The following MTUS2 variants were observed in gnomAD, a reference collection of about 807,000 sequenced individuals.
MTUS2 encodes microtubule-associated tumor suppressor candidate 2.
A neutral mutation model predicts 114.1 loss-of-function variants in MTUS2; 40 were observed. The ratio of observed to expected loss-of-function variants is 0.35; its 90% CI spans 0.27 to 0.46. MTUS2 has a LOEUF of 0.46. Among genes scored for constraint, MTUS2 ranks in the 20% least tolerant of loss-of-function variants. The pLI, the probability that MTUS2 is intolerant of heterozygous loss-of-function variation, is 1.00. For synonymous variants in MTUS2, 688 were observed against 672.0 expected, an observed-to-expected ratio of 1.02 and a Z score of -0.37; for missense variants, 1,679 against 1,705.4, an observed-to-expected ratio of 0.98 and a Z score of 0.27.
chr13:29,285,815 C>T (rs559257780), intron 6 of MTUS2, among the ~76,000 whole-genome samples: 9 of 152,046 alleles, frequency 5.9e-5, no homozygotes, highest in Admixed American at 2.0e-4. Context: ...ATTTTAGATC[C>T]TAATTCAAAC....
chr13:29,214,180 GTTT>G (rs33911822), intron 5 of MTUS2, among the ~76,000 whole-genome samples: 56 of 144,918 alleles, frequency 3.9e-4, no homozygotes, highest in Non-Finnish European at 3.4e-4. Flanking sequence ...ATACTACATT[GTTT>G]TTTTTTTTTT....
intron 5 of MTUS2, among the ~76,000 whole-genome samples, chr13:29,118,052 C>T (rs1891162849): frequency 6.6e-6 from 1 of 151,982 alleles, no homozygotes; most frequent in Non-Finnish European, 1.5e-5. Context: ...AAAAATAGAC[C>T]ACGTCTCCCT....
At chr13:29,410,651 A>G (rs1235255477) in intron 8 of MTUS2, among the ~76,000 whole-genome samples, 1 of 152,138 alleles carries the variant, frequency 6.6e-6, no homozygotes, top group Non-Finnish European at 1.5e-5. Flanking sequence ...TCTGTGACAC[A>G]TGGTGCAAAC....
intron 5 of MTUS2, chr13:29,242,388 G>T: frequency 5.6e-6 from 1 of 179,642 alleles, no homozygotes; most frequent in Non-Finnish European, 1.2e-5. Context: ...CTTGTAGCAG[G>T]TATCATTCGT....
At chr13:29,236,898 C>T (rs1896555465) in intron 5 of MTUS2, among the ~76,000 whole-genome samples, 1 of 152,146 alleles carries the variant, frequency 6.6e-6, no homozygotes, top group Non-Finnish European at 1.5e-5. Flanking sequence ...GGAATGTGAG[C>T]AATTGTATCA....
At chr13:29,305,532 T>C (rs1899408074) in intron 6 of MTUS2, among the ~76,000 whole-genome samples, 1 of 151,832 alleles carries the variant, frequency 6.6e-6, no homozygotes, top group South Asian at 2.1e-4. Context: ...AACTAGAAAA[T>C]CTAGAAGAAA....
At chr13:29,205,419 T>C (rs1467332182) in intron 5 of MTUS2, among the ~76,000 whole-genome samples, 1 of 151,824 alleles carries the variant, frequency 6.6e-6, no homozygotes, top group Non-Finnish European at 1.5e-5. Context: ...ATTTTTTTAA[T>C]TATTTCAGTA....
chr13:29,125,948 A>G (rs1468590735), intron 5 of MTUS2, among the ~76,000 whole-genome samples: 2 of 152,186 alleles, frequency 1.3e-5, no homozygotes, highest in Non-Finnish European at 2.9e-5. Flanking sequence ...AAATGATTCC[A>G]CTGGATTGGC....
At chr13:29,010,793 C>G (rs890476989) in intron 2 of MTUS2, among the ~76,000 whole-genome samples, 4 of 152,140 alleles carry the variant, frequency 2.6e-5, no homozygotes, top group African/African-American at 9.7e-5. Context: ...GAAAGACCAC[C>G]TAACAGTAGA....
chr13:28,933,016 C>G (rs1219532091), intron 2 of MTUS2, among the ~76,000 whole-genome samples: 4 of 152,072 alleles, frequency 2.6e-5, no homozygotes, highest in Non-Finnish European at 5.9e-5. Context: ...AGGTAAGGTT[C>G]TCACATTGTG....
At chr13:29,272,466 C>T (rs1292510308) in intron 5 of MTUS2, among the ~76,000 whole-genome samples, 2 of 152,162 alleles carry the variant, frequency 1.3e-5, no homozygotes, top group African/African-American at 4.8e-5. Context: ...TCATTTTGGT[C>T]TGGTTAGTGT....
chr13:29,314,892 T>C (rs911363352), intron 6 of MTUS2, among the ~76,000 whole-genome samples: 1 of 152,236 alleles, frequency 6.6e-6, no homozygotes, highest in Non-Finnish European at 1.5e-5. Context: ...ATTGCAACAC[T>C]ATTCACAATA....
At chr13:29,417,196 G>A (rs1392303509) in intron 8 of MTUS2, among the ~76,000 whole-genome samples, 1 of 152,086 alleles carries the variant, frequency 6.6e-6, no homozygotes, top group Admixed American at 6.5e-5. Flanking sequence ...GGAGAGAAAG[G>A]GGGCAAGAGA....
At chr13:29,064,481 G>A (rs1002362056) in intron 4 of MTUS2, among the ~76,000 whole-genome samples, 2 of 141,010 alleles carry the variant, frequency 1.4e-5, no homozygotes, top group African/African-American at 2.6e-5. Flanking sequence ...TGAAGAGACA[G>A]TTCTGAGCGG....
intron 5 of MTUS2, among the ~76,000 whole-genome samples, chr13:29,217,278 A>G (rs1056165106): frequency 1.3e-5 from 2 of 152,134 alleles, no homozygotes; most frequent in Non-Finnish European, 2.9e-5. Flanking sequence ...ATGATCCATT[A>G]TTTTTGAAAT....
In MTUS2 at chr13:29,373,122, T is replaced by C. The variant is rs145622953; in HGVS notation, c.3117+13649T>C. ...AGAGCTCCAGGAGAAACTTTTTAGG[T>C]CTGACTCGAGAAGTGGGAAAGGGAA... On this transcript the variant is annotated intron_variant, in intron 8 of 15. Transcript: ENST00000612955. Among the ~76,000 whole-genome samples the C allele has an allele frequency of 1.6e-4, 25 of 152,304 alleles. No individual in the cohort carries two copies. In the East Asian group the frequency reaches 3.9e-3, roughly 24 times the overall value.
At chr13:29,219,537 A>G (rs1895823066) in intron 5 of MTUS2, among the ~76,000 whole-genome samples, 1 of 152,210 alleles carries the variant, frequency 6.6e-6, no homozygotes. Flanking sequence ...AGATCCCTGC[A>G]TTCATTTCTA....
chr13:29,150,798 CT>C lies in MTUS2; in HGVS notation c.2644+49831del, dbSNP rs1892634098. ...AACACCACTTATTGAATAGGGAGTC[CT>C]TTCCCCATGGCTTATTTTTGTTGAC... On this transcript the variant is annotated intron_variant, in intron 5 of 15. Coordinates refer to ENST00000612955, the MANE Select transcript of MTUS2 (RefSeq NM_001033602.4). Among the ~76,000 whole-genome samples, 4 of 152,110 alleles carry C rather than the reference CT, an allele frequency of 2.6e-5. No individual in the cohort carries two copies. The South Asian group carries it at 8.3e-4, about 32-fold the overall frequency.
chr13:29,468,605 C>CACACAT (rs1237002719), intron 9 of MTUS2, among the ~76,000 whole-genome samples: 3 of 151,962 alleles, frequency 2.0e-5, no homozygotes, highest in African/African-American at 7.3e-5. Context: ...CACACACACA[C>CACACAT]ACACACATTA....
Sources: allele counts gnomAD v4.1 joint callset (sites outside exome capture counted in the v4.1 genomes callset), GRCh38; gene constraint gnomAD v4.1.1; transcripts MANE v1.5; gene names NCBI Gene and HGNC (gene_info 2026-07-23, HGNC 2026-07-21).